Variants in PDE5A observed in about 807,000 individuals in gnomAD.
PDE5A encodes phosphodiesterase 5A, also known as cGMP-specific 3',5'-cyclic phosphodiesterase.
In PDE5A, 67 loss-of-function variants were observed where a neutral mutation model predicts 110.2. That is an observed-to-expected ratio of 0.61 (90% CI 0.50 to 0.75). The LOEUF is 0.75. PDE5A is among the 30% of genes least tolerant of loss of function. The pLI is 0.00. For missense variants in PDE5A, 862 were observed against 1,045.1 expected (o/e 0.82, Z 2.42); for synonymous variants, 328 against 351.2 (o/e 0.93, Z 0.74).
At position 119,554,592 on chromosome 4, in the gene PDE5A, A is replaced by G. The variant is rs185861645; in HGVS notation, c.1200-846T>C. On this transcript the variant is annotated intron_variant, in intron 7 of 20. Transcript: ENST00000354960. Reference sequence around the variant, plus strand: ...GGGAATTTATTCTATCTATAAGAACATGCTTATTTTAATTGTAATATCACT... The same window carrying G: ...GGGAATTTATTCTATCTATAAGAACGTGCTTATTTTAATTGTAATATCACT... 8.5e-5 allele frequency among the ~76,000 whole-genome samples: 13 copies of G among 152,314 alleles called. No individual in the cohort carries two copies. In the East Asian group the frequency reaches 1.2e-3, roughly 14 times the overall value.
At chr4:119,506,420 T>C (rs892616068) in intron 16 of PDE5A, among the ~76,000 whole-genome samples, 1 of 151,820 alleles carries the variant, frequency 6.6e-6, no homozygotes, top group African/African-American at 2.4e-5. Context: ...GTGAATATAA[T>C]AATATTTGGT....
intron 20 of PDE5A, chr4:119,500,788 CTAGAG>C (rs1166962597): frequency 6.5e-6 from 1 of 154,684 alleles, no homozygotes; most frequent in Non-Finnish European, 1.4e-5. Flanking sequence ...ATTTTTATAA[CTAGAG>C]TAAAGCCACA....
intron 12 of PDE5A, 102 bp from the exon 13 acceptor site, chr4:119,521,162 C>T (rs375043131): frequency 2.0e-5 from 23 of 1,141,102 alleles, no homozygotes; most frequent in African/African-American, 4.7e-5. Flanking sequence ...CCTGATACTC[C>T]GATTTGGATC....
At chr4:119,553,778 T>A in intron 7 of PDE5A, 32 bp from the exon 8 acceptor site, 1 of 1,116,676 alleles carries the variant, frequency 9.0e-7, no homozygotes, top group Non-Finnish European at 1.4e-6. Context: ...GTTCCCTCTG[T>A]GCAGTTAAAA....
chr4:119,605,828 G>A (rs902999964), intron 2 of PDE5A, among the ~76,000 whole-genome samples: 1 of 151,974 alleles, frequency 6.6e-6, no homozygotes, highest in African/African-American at 2.4e-5. Context: ...GCACTATAAG[G>A]CACCAGGAAC....
intron 3 of PDE5A, chr4:119,569,814 T>A (rs17358475): frequency 0.025 from 3,748 of 152,626 alleles, 60 homozygotes; most frequent in South Asian, 0.05. Flanking sequence ...TAAGAACAAA[T>A]GTCCTACAAG....
chr4:119,544,726 T>C (rs938455683), intron 9 of PDE5A, among the ~76,000 whole-genome samples: 8 of 152,042 alleles, frequency 5.3e-5, no homozygotes, highest in East Asian at 1.9e-4. Flanking sequence ...CACAGAGGGG[T>C]TGAGATGTGA....
intron 2 of PDE5A, among the ~76,000 whole-genome samples, chr4:119,600,609 C>CA (rs1411387531): frequency 6.6e-6 from 1 of 151,954 alleles, no homozygotes; most frequent in Non-Finnish European, 1.5e-5. Flanking sequence ...AAGGACATAA[C>CA]AAAAAGGACT....
intron 2 of PDE5A, 89 bp from the exon 3 acceptor site, chr4:119,596,701 C>A (rs575164998): frequency 1.5e-6 from 1 of 680,836 alleles, no homozygotes; most frequent in Admixed American, 2.8e-5. Context: ...AGAAATCTAA[C>A]CTTGGACTTA....
chr4:119,585,343 C>T (rs1369546757), intron 3 of PDE5A, among the ~76,000 whole-genome samples: 5 of 151,904 alleles, frequency 3.3e-5, no homozygotes, highest in Non-Finnish European at 2.9e-5. Context: ...CAAACATCTT[C>T]TCTTTTTTCC....
intron 1 of PDE5A, among the ~76,000 whole-genome samples, chr4:119,608,586 C>G (rs1729625867): frequency 6.6e-6 from 1 of 151,996 alleles, no homozygotes; most frequent in Admixed American, 6.5e-5. Context: ...AAAACAAAAA[C>G]AAAAAAACCT....
In PDE5A at chr4:119,497,821, C is replaced by T. The variant is rs1468815569; in HGVS notation, c.*780G>A. ...TTTCTTCACTGATAGACATCCAAGG[C>T]CATTCCATTTCTAAATCACACTTAT... On this transcript the variant is annotated 3_prime_UTR_variant, in exon 21 of 21. Coordinates refer to ENST00000354960, the MANE Select transcript of PDE5A (RefSeq NM_001083.4). The T allele has an allele frequency of 6.6e-6, 1 of 152,142 alleles. No homozygotes were observed. The highest frequency in any genetic ancestry group is 1.9e-4 in the East Asian group (1 of 5,182). 9.4% of individuals were successfully genotyped at this position (152,142 alleles called of 1,614,324 possible). A position where few individuals can be genotyped will look rare whatever the true frequency, so the allele number is the denominator to read the frequency against.
intron 9 of PDE5A, chr4:119,548,669 T>A (rs1054052975): frequency 1.3e-5 from 2 of 152,214 alleles, no homozygotes; most frequent in African/African-American, 2.4e-5. Flanking sequence ...TCCTTATTTT[T>A]GTCTTTCTTC....
intron 1 of PDE5A, among the ~76,000 whole-genome samples, chr4:119,612,613 C>A (rs753616439): frequency 3.3e-5 from 5 of 152,128 alleles, no homozygotes; most frequent in Non-Finnish European, 5.9e-5. Flanking sequence ...TTCTTTAAAT[C>A]AATGGAAGAA....
intron 9 of PDE5A, chr4:119,549,598 G>A (rs888724280): frequency 2.0e-5 from 3 of 151,966 alleles, no homozygotes; most frequent in African/African-American, 7.3e-5. Flanking sequence ...AATGGGAATA[G>A]GACTAGTTTC....
intron 19 of PDE5A, 131 bp downstream of exon 19, chr4:119,502,450 A>T: frequency 1.8e-6 from 1 of 566,892 alleles, no homozygotes; most frequent in South Asian, 2.4e-5. Flanking sequence ...TCTTCCAATG[A>T]GAAAAAAGTT....
At chr4:119,502,292 C>T (rs921238810) in intron 19 of PDE5A, 3 of 243,046 alleles carry the variant, frequency 1.2e-5, no homozygotes, top group East Asian at 9.7e-5. Flanking sequence ...CATGATAATA[C>T]ATAAGAATAT....
chr4:119,599,749 A>ACACACACACG (rs57426733), intron 2 of PDE5A, among the ~76,000 whole-genome samples: 1 of 148,500 alleles, frequency 6.7e-6, no homozygotes, highest in Non-Finnish European at 1.5e-5. Flanking sequence ...ACACACACAC[A>ACACACACACG]TACATATATT....
chr4:119,507,774 T>A (rs2110458943), intron 15 of PDE5A, 70 bp from the exon 16 acceptor site: 1 of 904,044 alleles, frequency 1.1e-6, no homozygotes, highest in Non-Finnish European at 1.8e-6. Flanking sequence ...TCTAGAAATA[T>A]ATTCACATAT....
Sources: gnomAD v4.1 joint callset for allele counts (sites outside exome capture counted in the v4.1 genomes callset) on GRCh38, gnomAD v4.1.1 for gene constraint, MANE v1.5 for transcripts, NCBI Gene and HGNC (gene_info 2026-07-23, HGNC 2026-07-21) for gene names.